The following AGPS variants were observed in gnomAD, a reference collection of about 807,000 sequenced individuals.
AGPS encodes the protein alkyldihydroxyacetonephosphate synthase, peroxisomal.
In AGPS, 26 loss-of-function variants were observed where a neutral mutation model predicts 90.7. The ratio of observed to expected loss-of-function variants is 0.29; its 90% CI spans 0.21 to 0.40. The LOEUF is 0.40. Ranked by LOEUF, AGPS falls within the 10% of genes least tolerant of loss-of-function variation. The pLI is 1.00. For missense variants in AGPS, 540 were observed against 816.1 expected, an observed-to-expected ratio of 0.66 and a Z score of 4.12; for synonymous variants, 294 against 285.3, an observed-to-expected ratio of 1.03 and a Z score of -0.31.
intron 19 of AGPS, among the ~76,000 whole-genome samples, chr2:177,529,997 T>TA (rs975501868): frequency 1.3e-4 from 20 of 152,226 alleles, no homozygotes; most frequent in African/African-American, 4.6e-4. Flanking sequence ...AGTAAGTGCT[T>TA]AAAAAACAAT....
chr2:177,436,370 T>C (rs1171672738), intron 3 of AGPS, among the ~76,000 whole-genome samples: 4 of 152,062 alleles, frequency 2.6e-5, no homozygotes, highest in Non-Finnish European at 5.9e-5. Flanking sequence ...CAGGATGGTC[T>C]CAATCTCCTG....
chr2:177,504,283 C>T (rs969467873), intron 14 of AGPS, among the ~76,000 whole-genome samples: 7 of 147,534 alleles, frequency 4.7e-5, no homozygotes, highest in Admixed American at 4.1e-4. Context: ...CTTGCCACAG[C>T]AGTTTTCTGA....
intron 1 of AGPS, among the ~76,000 whole-genome samples, chr2:177,418,126 T>C (rs1171495354): frequency 6.6e-6 from 1 of 152,098 alleles, no homozygotes; most frequent in Non-Finnish European, 1.5e-5. Context: ...GTAAAGTCCA[T>C]TTCATAAGCC....
chr2:177,399,552 A>G (rs1268597489), intron 1 of AGPS, among the ~76,000 whole-genome samples: 1 of 152,072 alleles, frequency 6.6e-6, no homozygotes, highest in Non-Finnish European at 1.5e-5. Flanking sequence ...TGTACTACCT[A>G]ATATTTACCC....
chr2:177,523,634 T>C, intron 18 of AGPS, 114 bp from the exon 19 acceptor site: 1 of 856,212 alleles, frequency 1.2e-6, no homozygotes. Context: ...GTTAGGCTTC[T>C]AGTTTATTAT....
rs1408102329 is a variant in AGPS at position 177,392,857 on chromosome 2, C to CGGACCG, written c.80_85dup (p.Arg27_Asp28dup). The stretch of plus-strand genomic sequence containing the variant: ...GCGGGCGCGAGCTACGGGTCTGCAG[C>CGGACCG]GGACCGGGACCGGGACCCGGACCCG... On this transcript the variant is annotated inframe_insertion, in exon 1 of 20. Coordinates refer to ENST00000264167, the MANE Select transcript of AGPS (RefSeq NM_003659.4). 32 of 1,551,994 alleles carry CGGACCG rather than the reference C, an allele frequency of 2.1e-5. No homozygotes were observed. The highest frequency in any genetic ancestry group is 2.0e-4 in the Middle Eastern group (1 of 5,070).
Position 177,480,405 on chromosome 2 carries a change from T to G in AGPS, c.1106-1654T>G, listed in dbSNP as rs1019049026. On this transcript the variant is annotated intron_variant, in intron 10 of 19. Coordinates refer to ENST00000264167, the MANE Select transcript of AGPS (RefSeq NM_003659.4). Reference sequence around the variant, plus strand: ...TGGAATACTATGCAGCCATAAAAAATGATGAGTTCATGTCCTTTGTAGGGA... The same window carrying G: ...TGGAATACTATGCAGCCATAAAAAAGGATGAGTTCATGTCCTTTGTAGGGA... Among the ~76,000 whole-genome samples, 13 of 152,204 alleles carry G rather than the reference T, an allele frequency of 8.5e-5. No homozygotes were observed. In the East Asian group the frequency reaches 1.5e-3, roughly 18 times the overall value.
chr2:177,399,374 A>G (rs955490130), intron 1 of AGPS, among the ~76,000 whole-genome samples: 2 of 152,188 alleles, frequency 1.3e-5, no homozygotes, highest in African/African-American at 4.8e-5. Context: ...CTCTCTGCCT[A>G]TTAGTGTTCT....
At chr2:177,440,112 A>G (rs760702370) in intron 5 of AGPS, among the ~76,000 whole-genome samples, 16 of 152,172 alleles carry the variant, frequency 1.1e-4, no homozygotes, top group African/African-American at 3.4e-4. Flanking sequence ...GATATTTTAC[A>G]TAGTCTAAGA....
chr2:177,466,203 G>A (rs1055460521), intron 9 of AGPS, among the ~76,000 whole-genome samples: 7 of 152,060 alleles, frequency 4.6e-5, no homozygotes, highest in African/African-American at 1.7e-4. Flanking sequence ...CATAAGCAGG[G>A]CATCCTGATG....
chr2:177,518,424 A>G (rs6433674), intron 17 of AGPS, among the ~76,000 whole-genome samples: 131,748 of 151,992 alleles, frequency 0.87, 57,316 homozygotes, highest in East Asian at 0.98. Flanking sequence ...CAACAATAGC[A>G]AAACTACATC....
At chr2:177,404,467 G>GC (rs1417700890) in intron 1 of AGPS, among the ~76,000 whole-genome samples, 1 of 151,538 alleles carries the variant, frequency 6.6e-6, no homozygotes, top group African/African-American at 2.4e-5. Flanking sequence ...ATTCCCTGCC[G>GC]CCCCCCACCC....
At chr2:177,523,836 A>T in intron 19 of AGPS, 31 bp downstream of exon 19, 1 of 1,561,130 alleles carries the variant, frequency 6.4e-7, no homozygotes, top group Non-Finnish European at 8.8e-7. Context: ...AATTTCTAAT[A>T]TTCTTACTTT....
chr2:177,502,128 A>G (rs909911747), intron 14 of AGPS, among the ~76,000 whole-genome samples: 1 of 152,230 alleles, frequency 6.6e-6, no homozygotes, highest in Admixed American at 6.5e-5. Context: ...CTGTACTTCT[A>G]GCAGTTTTGC....
intron 19 of AGPS, among the ~76,000 whole-genome samples, chr2:177,532,768 C>T (rs1384064375): frequency 6.6e-6 from 1 of 152,138 alleles, no homozygotes; most frequent in African/African-American, 2.4e-5. Flanking sequence ...TGTGGTACAT[C>T]CATACCATAG....
intron 11 of AGPS, 95 bp downstream of exon 11, chr2:177,482,281 C>T: frequency 1.5e-6 from 1 of 667,388 alleles, no homozygotes; most frequent in Non-Finnish European, 2.3e-6. Context: ...TGATATGTTA[C>T]AACTAATCTT....
chr2:177,430,863 G>A (rs909583266), intron 2 of AGPS, among the ~76,000 whole-genome samples: 5 of 152,004 alleles, frequency 3.3e-5, no homozygotes, highest in Admixed American at 2.6e-4. Flanking sequence ...GACTTTATGG[G>A]TATTATACAT....
chr2:177,485,475 AGT>A (rs1459110582), intron 11 of AGPS, among the ~76,000 whole-genome samples: 1 of 152,216 alleles, frequency 6.6e-6, no homozygotes, highest in African/African-American at 2.4e-5. Flanking sequence ...CCTGATAGAA[AGT>A]GACACAGAAG....
intron 16 of AGPS, among the ~76,000 whole-genome samples, chr2:177,512,245 A>AAATGT (rs1688896679): frequency 6.6e-6 from 1 of 152,078 alleles, no homozygotes; most frequent in African/African-American, 2.4e-5. Flanking sequence ...TCAGTCATCT[A>AAATGT]AATGTTTTAT....
Sources: gnomAD v4.1 joint callset for allele counts (sites outside exome capture counted in the v4.1 genomes callset) on GRCh38, gnomAD v4.1.1 for gene constraint, MANE v1.5 for transcripts, NCBI Gene and HGNC (gene_info 2026-07-23, HGNC 2026-07-21) for gene names.